The following MYH15 variants were observed in gnomAD, a reference collection of about 807,000 sequenced individuals.
MYH15 encodes myosin-15.
In MYH15, 227 loss-of-function variants were observed where a neutral mutation model predicts 240.5. The ratio of observed to expected loss-of-function variants is 0.94; its 90% CI spans 0.85 to 1.05. The LOEUF (loss-of-function observed/expected upper bound fraction) is 1.05. Among genes scored for constraint, MYH15 ranks in the 50% least tolerant of loss-of-function variants. The pLI, the probability that MYH15 is intolerant of heterozygous loss-of-function variation, is 0.00. For missense variants in MYH15, 2,217 were observed against 2,247.5 expected (o/e 0.99, Z 0.27); for synonymous variants, 785 against 796.7 (o/e 0.99, Z 0.25).
At chr3:108,417,254 A>G (rs569910799) in intron 28 of MYH15, among the ~76,000 whole-genome samples, 1 of 152,320 alleles carries the variant, frequency 6.6e-6, no homozygotes, top group African/African-American at 2.4e-5. Context: ...ACTCCTTGAT[A>G]GTGTAGGTAT....
chr3:108,436,255 G>C (rs1244694191), intron 25 of MYH15, among the ~76,000 whole-genome samples: 3 of 152,148 alleles, frequency 2.0e-5, no homozygotes, highest in Non-Finnish European at 1.5e-5. Flanking sequence ...TTTACACTTT[G>C]CTGGTTATCA....
At chr3:108,486,156 G>A (rs1349260629) in intron 10 of MYH15, among the ~76,000 whole-genome samples, 1 of 152,074 alleles carries the variant, frequency 6.6e-6, no homozygotes, top group East Asian at 1.9e-4. Flanking sequence ...GATAAAAACA[G>A]AATAAAAACT....
At chr3:108,403,451 T>A (rs190023465) in intron 33 of MYH15, among the ~76,000 whole-genome samples, 1 of 152,022 alleles carries the variant, frequency 6.6e-6, no homozygotes, top group Admixed American at 6.5e-5. Flanking sequence ...CCTTGTTCTA[T>A]AACTTCCCTG....
At chr3:108,535,477 G>C in the MYH15 span, among the ~76,000 whole-genome samples, 1 of 152,082 alleles carries the variant, frequency 6.6e-6, no homozygotes, top group African/African-American at 2.4e-5. Context: ...TCATGACCTA[G>C]TTACCTCCCA....
upstream of MYH15, among the ~76,000 whole-genome samples, chr3:108,533,311 T>A (rs568629704): frequency 2.6e-5 from 4 of 151,912 alleles, no homozygotes; most frequent in Non-Finnish European, 5.9e-5. Flanking sequence ...AACACTAAAT[T>A]AATGCCCAGA....
Position 108,383,733 on chromosome 3 carries a change from T to TAAAAA in MYH15, c.5632-9_5632-5dup. Reference sequence around the variant, plus strand: ...GGTATTGATTGGCTTGTGTTTCCTATAAAAATAAAAAAAAAAAAAAAGAAA... The same window carrying TAAAAA: ...GGTATTGATTGGCTTGTGTTTCCTATAAAAAAAAAATAAAAAAAAAAAAAAAGAAA... On this transcript the variant is annotated splice_region_variant and splice_polypyrimidine_tract_variant and intron_variant, in intron 39 of 40. Transcript: ENST00000693548. 2.7e-6 allele frequency: 3 copies of TAAAAA among 1,092,224 alleles called. No individual in the cohort carries two copies. Among genetic ancestry groups the TAAAAA allele is most frequent in the East Asian group, 3.6e-5 (1 of 27,984 alleles). The allele number at this position is 1,092,224 out of a possible 1,614,324, so 67.7% of individuals were successfully genotyped here.
At chr3:108,447,503 T>A (rs566307163) in intron 21 of MYH15, among the ~76,000 whole-genome samples, 1 of 151,950 alleles carries the variant, frequency 6.6e-6, no homozygotes, top group East Asian at 1.9e-4. Context: ...GAAACCCTCA[T>A]GAGACTATGA....
rs748867603 is a variant in MYH15 at position 108,389,087 on chromosome 3, C to T, written c.5431-13G>A. The T allele has an allele frequency of 1.7e-5, 27 of 1,612,670 alleles. No individual in the cohort carries two copies. The highest frequency in any genetic ancestry group is 2.2e-5 in the South Asian group (2 of 90,954). Reference sequence around the variant, plus strand: ...CCAGTTCACGAACCTGCAACCAAAACGTGACCTCAGACCAGACGCTGCCAC... The same window carrying T: ...CCAGTTCACGAACCTGCAACCAAAATGTGACCTCAGACCAGACGCTGCCAC... On this transcript the variant is annotated splice_polypyrimidine_tract_variant and intron_variant, in intron 37 of 40. Coordinates refer to ENST00000693548, the MANE Select transcript of MYH15 (RefSeq NM_014981.3).
intron 21 of MYH15, among the ~76,000 whole-genome samples, chr3:108,447,234 G>T (rs4522773): frequency 1.2e-3 from 176 of 151,966 alleles, no homozygotes; most frequent in Middle Eastern, 3.4e-3. Flanking sequence ...GTAGGACATC[G>T]GCAAGCTTAC....
chr3:108,393,704 C>T (rs1311266539), intron 36 of MYH15, among the ~76,000 whole-genome samples: 3 of 152,206 alleles, frequency 2.0e-5, no homozygotes, highest in Non-Finnish European at 4.4e-5. Flanking sequence ...TAAGGAAACA[C>T]AGAAAGAATT....
At chr3:108,398,598 C>T in intron 35 of MYH15, 39 bp downstream of exon 35, 1 of 1,605,408 alleles carries the variant, frequency 6.2e-7, no homozygotes, top group Non-Finnish European at 8.5e-7. Context: ...TGCCTTCAAC[C>T]AACTGGCCCA....
chr3:108,496,349 CAT>C (rs752617859), intron 6 of MYH15, among the ~76,000 whole-genome samples: 9 of 152,166 alleles, frequency 5.9e-5, no homozygotes, highest in Non-Finnish European at 1.0e-4. Flanking sequence ...TAGAGGTTCA[CAT>C]GAGTAGTGAC....
In MYH15 at chr3:108,438,755, C is replaced by CA. The variant is rs372618485; in HGVS notation, c.3075+981dup. Among the ~76,000 whole-genome samples, 600 of 152,282 alleles carry CA rather than the reference C, an allele frequency of 3.9e-3. 3 individuals are homozygous for CA. The highest frequency in any genetic ancestry group is 0.014 in the Middle Eastern group (4 of 294). The stretch of plus-strand genomic sequence containing the variant: ...GCTGGTACTTTGATCATGGACTTCC[C>CA]AGCCTCCAGAACTGTAGGAAATAAA... On this transcript the variant is annotated intron_variant, in intron 24 of 40. Transcript: ENST00000693548.
chr3:108,459,306 A>G (rs2083051069), intron 18 of MYH15, 56 bp downstream of exon 18: 1 of 1,087,572 alleles, frequency 9.2e-7, no homozygotes, highest in Non-Finnish European at 1.4e-6. Flanking sequence ...GATATTCAAT[A>G]TAGCTAATAT....
At position 108,398,745 on chromosome 3, in the gene MYH15, A is replaced by G. The variant is rs1489506169; in HGVS notation, c.5025T>C (p.Ser1675=). The G allele has an allele frequency of 6.2e-7, 1 of 1,614,216 alleles. No individual in the cohort carries two copies. The highest frequency in any genetic ancestry group is 1.7e-5 in the Admixed American group (1 of 60,022). The change falls in exon 35 of 41, where the codon TCT becomes TCC. Residue 1675 remains serine (S), a synonymous_variant. Transcript: ENST00000693548. ...VAERRNSLLQ[S]ELEDLRSLQE... ...GCAGGGACCTTAGATCCTCTAGTTC[A>G]GACTGAAGAAGAGAGTTGCGCCGCT...
Position 108,463,223 on chromosome 3 carries a change from A to T in MYH15, c.1752T>A (p.Gly584=). 6.2e-7 allele frequency: 1 copy of T among 1,611,390 alleles called. No homozygotes were observed. Among genetic ancestry groups the T allele is most frequent in the South Asian group, 1.1e-5 (1 of 90,326 alleles). ...YAGVVPYNIS[G]WLEKNKDLLN... ...GGAGGTCTTTGTTCTTTTCCAGCCA[A>T]CCACTGATATTATAAGGTACCTTTG... Residue 584 remains glycine (G), a synonymous_variant, in exon 16 of 41, where the codon GGT becomes GGA. Coordinates refer to ENST00000693548, the MANE Select transcript of MYH15 (RefSeq NM_014981.3).
chr3:108,471,576 A>G (rs1029339262), intron 12 of MYH15, among the ~76,000 whole-genome samples: 4 of 151,944 alleles, frequency 2.6e-5, no homozygotes, highest in Admixed American at 2.0e-4. Flanking sequence ...CTCACCTTTG[A>G]TGTATATGTT....
At chr3:108,473,440 A>G (rs2083194313) in intron 12 of MYH15, among the ~76,000 whole-genome samples, 1 of 152,224 alleles carries the variant, frequency 6.6e-6, no homozygotes, top group Non-Finnish European at 1.5e-5. Flanking sequence ...TTTGACGCTT[A>G]GTATCCAATA....
At chr3:108,492,678 G>C (rs1334957614) in intron 8 of MYH15, 83 bp from the exon 9 acceptor site, 1 of 962,308 alleles carries the variant, frequency 1.0e-6, no homozygotes, top group Non-Finnish European at 1.6e-6. Context: ...TGAGCGCAGT[G>C]GCTCACAACT....
Sources: gnomAD v4.1 joint callset for allele counts (sites outside exome capture counted in the v4.1 genomes callset) on GRCh38, gnomAD v4.1.1 for gene constraint, MANE v1.5 for transcripts, NCBI Gene and HGNC (gene_info 2026-07-23, HGNC 2026-07-21) for gene names.